Variants in JARID2 observed in about 807,000 individuals in gnomAD.
The protein encoded by JARID2 is jumonji and AT-rich interaction domain containing 2, also known as protein Jumonji.
In JARID2, 21 loss-of-function variants were observed where a neutral mutation model predicts 125.6. The ratio of observed to expected loss-of-function variants is 0.17; its 90% CI spans 0.12 to 0.24. The LOEUF (loss-of-function observed/expected upper bound fraction) is 0.24, where lower values mean the gene tolerates loss of function less well. Among genes scored for constraint, JARID2 ranks in the 10% least tolerant of loss-of-function variants. The pLI, the probability that JARID2 is intolerant of heterozygous loss-of-function variation, is 1.00. For missense variants in JARID2, 1,303 were observed against 1,639.6 expected (o/e 0.79, Z 3.55); for synonymous variants, 736 against 661.6 (o/e 1.11, Z -1.73).
intron 4 of JARID2, among the ~76,000 whole-genome samples, chr6:15,455,744 TCTCGAA>T (rs1288084549): frequency 2.6e-5 from 4 of 152,110 alleles, no homozygotes; most frequent in Non-Finnish European, 5.9e-5. Context: ...GTTAGGCTGA[TCTCGAA>T]CTCCTGACCT....
At chr6:15,266,689 C>A (rs900573808) in intron 1 of JARID2, among the ~76,000 whole-genome samples, 20 of 152,326 alleles carry the variant, frequency 1.3e-4, no homozygotes, top group African/African-American at 4.3e-4. Flanking sequence ...GTTCTACACT[C>A]TCAATGTTTA....
chr6:15,364,068 T>C (rs1401409040), intron 1 of JARID2, among the ~76,000 whole-genome samples: 1 of 152,216 alleles, frequency 6.6e-6, no homozygotes, highest in Non-Finnish European at 1.5e-5. Context: ...ATAACCAGTC[T>C]TGTGACAATA....
At chr6:15,338,581 TC>T (rs1260910816) in intron 1 of JARID2, among the ~76,000 whole-genome samples, 1 of 152,168 alleles carries the variant, frequency 6.6e-6, no homozygotes, top group African/African-American at 2.4e-5. Context: ...GATCCAGCCC[TC>T]CTGTTTGCTG....
At chr6:15,490,082 A>G (rs1279244469) in intron 6 of JARID2, among the ~76,000 whole-genome samples, 1 of 152,226 alleles carries the variant, frequency 6.6e-6, no homozygotes, top group African/African-American at 2.4e-5. Context: ...GAAAATTTTC[A>G]AACCCTCAGA....
chr6:15,300,620 A>G, intron 1 of JARID2, among the ~76,000 whole-genome samples: 1 of 150,706 alleles, frequency 6.6e-6, no homozygotes, highest in Non-Finnish European at 1.5e-5. Context: ...CGAGTTATGA[A>G]TGAAATTTCT....
intron 5 of JARID2, among the ~76,000 whole-genome samples, chr6:15,481,036 G>T (rs1416174490): frequency 1.3e-5 from 2 of 152,162 alleles, no homozygotes; most frequent in Non-Finnish European, 2.9e-5. Context: ...ATTGTTACAG[G>T]ATTGCTATTA....
In JARID2 at chr6:15,254,898, C is replaced by A. The variant is rs551302107; in HGVS notation, c.45+8314C>A. Among the ~76,000 whole-genome samples, 971 of 151,932 alleles carry A rather than the reference C, an allele frequency of 6.4e-3. 12 individuals carry two copies. Among genetic ancestry groups the A allele is most frequent in the African/African-American group, 0.023 (933 of 41,420 alleles). On this transcript the variant is annotated intron_variant, in intron 1 of 17. Transcript: ENST00000341776. ...CTACTAAAAATGCAAAAAAGTTAGCCAGGCGTGGTGGTGGGCACCTGTAAT... is the reference window on the plus strand; with the variant it reads ...CTACTAAAAATGCAAAAAAGTTAGCAAGGCGTGGTGGTGGGCACCTGTAAT...
intron 5 of JARID2, among the ~76,000 whole-genome samples, chr6:15,480,368 C>T (rs1231599310): frequency 1.3e-5 from 2 of 152,146 alleles, no homozygotes; most frequent in Admixed American, 6.5e-5. Context: ...TCAGGTCATA[C>T]ACTGCATAAT....
At chr6:15,510,644 G>T (rs1028267692) in intron 12 of JARID2, among the ~76,000 whole-genome samples, 4 of 152,186 alleles carry the variant, frequency 2.6e-5, no homozygotes, top group African/African-American at 9.7e-5. Context: ...GCCTGATGCC[G>T]GGTAGGCTGG....
intron 5 of JARID2, 41 bp downstream of exon 5, chr6:15,468,759 C>T (rs1768872217): frequency 6.4e-7 from 1 of 1,573,640 alleles, no homozygotes; most frequent in African/African-American, 1.4e-5. Flanking sequence ...AAATCTAAAG[C>T]TTTGGGTGAG....
Position 15,306,328 on chromosome 6 carries a change from CTTTTTTTTT to C in JARID2, c.45+59759_45+59767del, listed in dbSNP as rs398000594. ...TCTCATTAACAACATAGTCATATTTCTTTTTTTTTTTTTTTTTTTTTTTGAGACGGAGTT... is the reference window on the plus strand; with the variant it reads ...TCTCATTAACAACATAGTCATATTTCTTTTTTTTTTTTTTGAGACGGAGTT... On this transcript the variant is annotated intron_variant, in intron 1 of 17. Transcript: ENST00000341776. Among the ~76,000 whole-genome samples, 618 of 99,264 alleles carry C rather than the reference CTTTTTTTTT, an allele frequency of 6.2e-3. 2 individuals are homozygous for C. The highest frequency in any genetic ancestry group is 9.9e-3 in the Non-Finnish European group (501 of 50,716). 65.1% of individuals were successfully genotyped at this position (99,264 alleles called of 152,430 possible).
chr6:15,312,005 A>G (rs544954345), intron 1 of JARID2, among the ~76,000 whole-genome samples: 14 of 152,316 alleles, frequency 9.2e-5, no homozygotes, highest in African/African-American at 3.4e-4. Flanking sequence ...AGCTCATTCT[A>G]CATATGCACC....
intron 16 of JARID2, 90 bp from the exon 17 acceptor site, chr6:15,517,071 G>C: frequency 1.1e-6 from 1 of 909,654 alleles, no homozygotes. Context: ...TGGGTGTGGT[G>C]GCTGCCCGGC....
At chr6:15,422,942 G>A (rs941037030) in intron 3 of JARID2, among the ~76,000 whole-genome samples, 2 of 150,708 alleles carry the variant, frequency 1.3e-5, no homozygotes, top group African/African-American at 4.9e-5. Flanking sequence ...CATGGGTTAG[G>A]CCTACTTGAC....
chr6:15,430,322 C>T (rs937289073), intron 3 of JARID2, among the ~76,000 whole-genome samples: 2 of 152,130 alleles, frequency 1.3e-5, no homozygotes, highest in African/African-American at 4.8e-5. Flanking sequence ...TAGAATATTT[C>T]AAGTATGTAC....
rs1771807717 is a variant in JARID2 at position 15,520,876 on chromosome 6, C to CT, written c.*626dup. 6 of 455,360 alleles carry CT rather than the reference C, an allele frequency of 1.3e-5. No individual in the cohort carries two copies. Among genetic ancestry groups the CT allele is most frequent in the Non-Finnish European group, 2.6e-5 (6 of 226,572 alleles). The allele number at this position is 455,360 out of a possible 1,614,324, so 28.2% of individuals were successfully genotyped here. ...GAACGAGGAGACGGGAGCGAGTGGG[C>CT]TCTCCACCAGCACATCACTATGCAT... On this transcript the variant is annotated 3_prime_UTR_variant, in exon 18 of 18. Coordinates refer to ENST00000341776, the MANE Select transcript of JARID2 (RefSeq NM_004973.4).
intron 3 of JARID2, among the ~76,000 whole-genome samples, chr6:15,444,653 A>G (rs1364742731): frequency 6.6e-6 from 1 of 151,690 alleles, no homozygotes; most frequent in Non-Finnish European, 1.5e-5. Flanking sequence ...CAAGTTGGCA[A>G]AGCTTCAGGG....
At chr6:15,411,711 T>C (rs1287809929) in intron 3 of JARID2, among the ~76,000 whole-genome samples, 1 of 152,238 alleles carries the variant, frequency 6.6e-6, no homozygotes, top group East Asian at 1.9e-4. Flanking sequence ...GAATGTGTGA[T>C]AATATTATCC....
chr6:15,277,101 C>A (rs2127366322), intron 1 of JARID2, among the ~76,000 whole-genome samples: 1 of 152,150 alleles, frequency 6.6e-6, no homozygotes, highest in East Asian at 1.9e-4. Flanking sequence ...TTTTGAGTGC[C>A]TTGTTAAGTA....
Sources: gnomAD v4.1 joint callset for allele counts (sites outside exome capture counted in the v4.1 genomes callset) on GRCh38, gnomAD v4.1.1 for gene constraint, MANE v1.5 for transcripts, NCBI Gene and HGNC (gene_info 2026-07-23, HGNC 2026-07-21) for gene names.